Variants in GABBR2 observed in about 807,000 individuals in gnomAD.
The protein encoded by GABBR2 is gamma-aminobutyric acid type B receptor subunit 2.
A neutral mutation model predicts 105.6 loss-of-function variants in GABBR2; 23 were observed. The observed-to-expected ratio is 0.22, with a 90% confidence interval of 0.16 to 0.31. The LOEUF (loss-of-function observed/expected upper bound fraction) is 0.31, where lower values mean the gene tolerates loss of function less well. Ranked by LOEUF, GABBR2 falls within the 10% of genes least tolerant of loss-of-function variation. The probability of loss-of-function intolerance (pLI) is 1.00; values close to 1 mark genes in which losing one functional copy is unlikely to be tolerated. For missense variants in GABBR2, 734 were observed against 1,245.5 expected, an observed-to-expected ratio of 0.59 and a Z score of 6.18; for synonymous variants, 478 against 499.7, an observed-to-expected ratio of 0.96 and a Z score of 0.58.
In GABBR2 at chr9:98,468,109, A is replaced by G. The variant is rs149975968; in HGVS notation, c.999+5037T>C. Among the ~76,000 whole-genome samples the G allele has an allele frequency of 1.1e-3, 161 of 152,282 alleles. 1 individual carries two copies. Among genetic ancestry groups the G allele is most frequent in the African/African-American group, 3.6e-3 (151 of 41,562 alleles). ...GAGGTCCCAGAAAATTGAGCTCTGAATGGGCTCAGAAAGCCTGAAGGTCCA... is the reference window on the plus strand; with the variant it reads ...GAGGTCCCAGAAAATTGAGCTCTGAGTGGGCTCAGAAAGCCTGAAGGTCCA... On this transcript the variant is annotated intron_variant, in intron 6 of 18. Transcript: ENST00000259455.
intron 1 of GABBR2, among the ~76,000 whole-genome samples, chr9:98,603,648 A>G (rs551350249): frequency 1.3e-5 from 2 of 152,336 alleles, no homozygotes; most frequent in South Asian, 4.1e-4. Context: ...AGTGCACTAG[A>G]GAAACAAAGA....
chr9:98,333,877 G>A (rs1831070292), intron 13 of GABBR2, among the ~76,000 whole-genome samples: 1 of 152,196 alleles, frequency 6.6e-6, no homozygotes, highest in South Asian at 2.1e-4. Context: ...GTGTGACCAT[G>A]GGCATGTTAT....
chr9:98,296,797 G>C (rs995828493), intron 17 of GABBR2, among the ~76,000 whole-genome samples: 1 of 152,040 alleles, frequency 6.6e-6, no homozygotes, highest in South Asian at 2.1e-4. Flanking sequence ...TTATATATAA[G>C]GGCATAAGCT....
intron 1 of GABBR2, among the ~76,000 whole-genome samples, chr9:98,691,556 C>A (rs1008195463): frequency 3.9e-5 from 6 of 152,190 alleles, no homozygotes; most frequent in Admixed American, 3.3e-4. Flanking sequence ...CAGGACTTTG[C>A]GGAGGCCCTT....
At chr9:98,490,731 T>C (rs1827159581) in intron 4 of GABBR2, among the ~76,000 whole-genome samples, 1 of 152,054 alleles carries the variant, frequency 6.6e-6, no homozygotes, top group Non-Finnish European at 1.5e-5. Context: ...GCAACTGAAA[T>C]GTCCAGAAAG....
chr9:98,541,933 G>T lies in GABBR2; in HGVS notation c.570C>A (p.Leu190=). The T allele has an allele frequency of 6.2e-7, 1 of 1,614,180 alleles. No individual in the cohort carries two copies. Among genetic ancestry groups the T allele is most frequent in the South Asian group, 1.1e-5 (1 of 91,072 alleles). ...NAVNPAILKL[L]KHYQWKRVGT... ...CCACGCGCTTCCACTGGTAGTGCTTGAGCAACTTCAGAATGGCTGGATTCA... is the reference window on the plus strand; with the variant it reads ...CCACGCGCTTCCACTGGTAGTGCTTTAGCAACTTCAGAATGGCTGGATTCA... The change falls in exon 3 of 19, where the codon CTC becomes CTA. Residue 190 remains leucine (L), a synonymous_variant. Coordinates refer to ENST00000259455, the MANE Select transcript of GABBR2 (RefSeq NM_005458.8).
At chr9:98,401,583 A>C (rs539197387) in intron 8 of GABBR2, among the ~76,000 whole-genome samples, 1 of 152,262 alleles carries the variant, frequency 6.6e-6, no homozygotes, top group African/African-American at 2.4e-5. Context: ...TATATCCTGA[A>C]GGATTATGGA....
chr9:98,652,686 C>T (rs951675825), intron 1 of GABBR2, among the ~76,000 whole-genome samples: 2 of 152,190 alleles, frequency 1.3e-5, no homozygotes, highest in African/African-American at 4.8e-5. Context: ...CCCAGTGGAG[C>T]GTCACTCTCA....
intron 1 of GABBR2, among the ~76,000 whole-genome samples, chr9:98,590,216 C>T (rs997967220): frequency 6.6e-6 from 1 of 152,172 alleles, no homozygotes; most frequent in Non-Finnish European, 1.5e-5. Context: ...TTATTAACTC[C>T]AGCCATCTTG....
intron 1 of GABBR2, among the ~76,000 whole-genome samples, chr9:98,637,837 T>C (rs1358015440): frequency 1.3e-5 from 2 of 152,184 alleles, no homozygotes; most frequent in African/African-American, 2.4e-5. Flanking sequence ...GATAATAAAG[T>C]TGTGTTTGTT....
intron 13 of GABBR2, among the ~76,000 whole-genome samples, chr9:98,345,766 T>G (rs1831293109): frequency 6.6e-6 from 1 of 152,208 alleles, no homozygotes; most frequent in Non-Finnish European, 1.5e-5. Flanking sequence ...TTCAGGATAT[T>G]AGGCTAATAT....
intron 1 of GABBR2, among the ~76,000 whole-genome samples, chr9:98,600,409 T>C (rs1474700932): frequency 6.6e-6 from 1 of 152,048 alleles, no homozygotes; most frequent in Non-Finnish European, 1.5e-5. Flanking sequence ...AGACCACACA[T>C]CTCCACCTGG....
intron 11 of GABBR2, among the ~76,000 whole-genome samples, chr9:98,377,942 A>G (rs1831906969): frequency 6.6e-6 from 1 of 152,178 alleles, no homozygotes; most frequent in Admixed American, 6.5e-5. Context: ...CTCCTAGCCC[A>G]GCCTTCCTGC....
At chr9:98,332,359 A>T (rs1831043008) in intron 13 of GABBR2, among the ~76,000 whole-genome samples, 1 of 152,142 alleles carries the variant, frequency 6.6e-6, no homozygotes, top group Non-Finnish European at 1.5e-5. Flanking sequence ...TGGGGCAGGG[A>T]GTGGAAACAA....
intron 7 of GABBR2, among the ~76,000 whole-genome samples, chr9:98,436,275 A>G (rs1305757650): frequency 3.4e-5 from 2 of 59,524 alleles, no homozygotes; most frequent in Non-Finnish European, 7.0e-5. Flanking sequence ...TTAAACAACA[A>G]CAACCATATA....
At position 98,306,403 on chromosome 9, in the gene GABBR2, G is replaced by T; in HGVS notation, c.2005-58C>A. 8.2e-7 allele frequency: 1 copy of T among 1,226,204 alleles called. No individual in the cohort carries two copies. The highest frequency in any genetic ancestry group is 1.2e-6 in the Non-Finnish European group (1 of 841,018). 76.0% of individuals were successfully genotyped at this position (1,226,204 alleles called of 1,614,324 possible). On this transcript the variant is annotated intron_variant, in intron 14 of 18. Coordinates refer to ENST00000259455, the MANE Select transcript of GABBR2 (RefSeq NM_005458.8). The surrounding 1 kb of genome is among the most constrained non-coding windows in gnomAD (Gnocchi z 5.4). ...CGTTACCAAGGGGTGGCACACACAGGCTGCTCTGAGAAGCTGTGGAGTGGA... is the reference window on the plus strand; with the variant it reads ...CGTTACCAAGGGGTGGCACACACAGTCTGCTCTGAGAAGCTGTGGAGTGGA...
rs80071206 is a variant in GABBR2 at position 98,395,818 on chromosome 9, C to T, written c.1298-1563G>A. Among the ~76,000 whole-genome samples the T allele has an allele frequency of 1.3e-3, 197 of 152,056 alleles. 3 individuals carry two copies. The East Asian group carries it at 0.027, about 21-fold the overall frequency. The stretch of plus-strand genomic sequence containing the variant: ...GAGCAAGGGGCAGTGAGTTTGAGGG[C>T]AGGGATAGGGCCCCCAGGGAAGAGC... On this transcript the variant is annotated intron_variant, in intron 8 of 18. Transcript: ENST00000259455.
Position 98,508,044 on chromosome 9 carries a change from G to A in GABBR2, c.631-11530C>T, listed in dbSNP as rs548448371. Among the ~76,000 whole-genome samples the A allele has an allele frequency of 3.6e-3, 545 of 152,314 alleles. 2 individuals are homozygous for A. The highest frequency in any genetic ancestry group is 0.012 in the African/African-American group (516 of 41,570). On this transcript the variant is annotated intron_variant, in intron 3 of 18. Transcript: ENST00000259455. ...GCCATCAGACCTTATTGCTTTCCTTGTGACAAACTGCCCATTGCTTTAATT... is the reference window on the plus strand; with the variant it reads ...GCCATCAGACCTTATTGCTTTCCTTATGACAAACTGCCCATTGCTTTAATT...
chr9:98,571,583 C>T (rs555578995), intron 2 of GABBR2, among the ~76,000 whole-genome samples: 1 of 152,164 alleles, frequency 6.6e-6, no homozygotes, highest in Non-Finnish European at 1.5e-5. Context: ...AATCCCCTAA[C>T]CTAGACCTGC....
Sources: allele counts gnomAD v4.1 joint callset (sites outside exome capture counted in the v4.1 genomes callset), GRCh38; gene constraint gnomAD v4.1.1; non-coding constraint Gnocchi (gnomAD v3.1); transcripts MANE v1.5; gene names NCBI Gene and HGNC (gene_info 2026-07-23, HGNC 2026-07-21).